Variants in KIF1C observed in about 807,000 individuals in gnomAD.
The protein encoded by KIF1C is kinesin-like protein KIF1C.
A neutral mutation model predicts 126.5 loss-of-function variants in KIF1C; 61 were observed. The observed-to-expected ratio is 0.48, with a 90% CI of 0.39 to 0.60. KIF1C has a LOEUF of 0.60. Among genes scored for constraint, KIF1C ranks in the 20% least tolerant of loss-of-function variants. KIF1C has a pLI of 0.00. For synonymous variants in KIF1C, 640 were observed against 580.6 expected, an observed-to-expected ratio of 1.10 and a Z score of -1.47; for missense variants, 1,315 against 1,489.2, an observed-to-expected ratio of 0.88 and a Z score of 1.93.
intron 16 of KIF1C, among the ~76,000 whole-genome samples, chr17:5,010,954 G>A (rs993302051): frequency 1.3e-5 from 2 of 151,500 alleles, no homozygotes; most frequent in African/African-American, 4.8e-5. Flanking sequence ...GGGACTACAG[G>A]CGCCCACCAC....
chr17:5,027,331 T>A lies in KIF1C; in HGVS notation c.*3180T>A, dbSNP rs1251867755. The A allele has an allele frequency of 6.6e-6, 1 of 152,216 alleles. No homozygotes were observed. The highest frequency in any genetic ancestry group is 1.9e-4 in the East Asian group (1 of 5,198). 9.4% of individuals were successfully genotyped at this position (152,216 alleles called of 1,614,324 possible). The stretch of plus-strand genomic sequence containing the variant: ...CTTTAGTAGAGACAGGGTTTCACTA[T>A]GTTGTCCAAGCTGGTTTCGAATTCC... On this transcript the variant is annotated 3_prime_UTR_variant, in exon 23 of 23. Transcript: ENST00000320785.
chr17:5,001,596 G>A (rs1021540678), intron 5 of KIF1C, among the ~76,000 whole-genome samples, 195 bp downstream of exon 5: 4 of 151,854 alleles, frequency 2.6e-5, no homozygotes, highest in Non-Finnish European at 5.9e-5. Flanking sequence ...GAGGCAACGA[G>A]CCTCAGTGAG....
At chr17:5,007,966 T>C (rs1401682282) in intron 16 of KIF1C, among the ~76,000 whole-genome samples, 1 of 152,068 alleles carries the variant, frequency 6.6e-6, no homozygotes, top group Admixed American at 6.6e-5. Flanking sequence ...GAGGGGTTGG[T>C]TATAGATGGA....
At position 5,007,096 on chromosome 17, in the gene KIF1C, G is replaced by C. The variant is rs1167957526; in HGVS notation, c.1335+12G>C. ...TGGAGAGGCTGCAGGTGGGAAGCTG[G>C]AGCTGGCAAGGGCTGGGGGTCTGGG... On this transcript the variant is annotated intron_variant, in intron 14 of 22. Transcript: ENST00000320785. 1.3e-6 allele frequency: 2 copies of C among 1,582,212 alleles called. No individual in the cohort carries two copies. Among genetic ancestry groups the C allele is most frequent in the Admixed American group, 1.9e-5 (1 of 52,148 alleles).
chr17:5,003,545 C>G (rs1974654393), intron 8 of KIF1C, 67 bp from the exon 9 acceptor site: 2 of 1,154,636 alleles, frequency 1.7e-6, no homozygotes, highest in Non-Finnish European at 2.5e-6. Flanking sequence ...CTGCTGGGTG[C>G]TTCCCTGATT....
chr17:4,999,398 G>A (rs1057468102), intron 1 of KIF1C, among the ~76,000 whole-genome samples: 12 of 152,164 alleles, frequency 7.9e-5, no homozygotes, highest in African/African-American at 2.9e-4. Flanking sequence ...TGGCGCCGGA[G>A]TTCCCCACCC....
Position 5,004,874 on chromosome 17 carries a change from C to T in KIF1C, c.1039C>T (p.Gln347Ter), listed in dbSNP as rs1974690294. Residue 347 changes from glutamine (Q) to a stop codon, truncating the protein, a stop_gained, in exon 13 of 23, where the codon CAA becomes TAA. Coordinates refer to ENST00000320785, the MANE Select transcript of KIF1C (RefSeq NM_006612.6). LOFTEE classifies it high-confidence loss of function. ...STLRYADRTK[Q>*]IRCNAIINED... The stretch of plus-strand genomic sequence containing the variant: ...ACCCAGGTATGCTGACCGCACCAAG[C>T]AAATCCGCTGCAATGCCATCATCAA... The T allele has an allele frequency of 1.9e-6, 3 of 1,614,248 alleles. No homozygotes were observed. Among genetic ancestry groups the T allele is most frequent in the Non-Finnish European group, 2.5e-6 (3 of 1,180,046 alleles).
intron 13 of KIF1C, among the ~76,000 whole-genome samples, chr17:5,006,040 C>G (rs1294446162): frequency 6.6e-6 from 1 of 150,982 alleles, no homozygotes; most frequent in Non-Finnish European, 1.5e-5. Flanking sequence ...AACCCCGTCT[C>G]TACTAAAAAT....
chr17:5,001,936 C>A lies in KIF1C; in HGVS notation c.364-123C>A, dbSNP rs116435540. ...TCCCATCTGTGAAATGGGAATAACC[C>A]CTCCCTCAAGGCTGTAGCAAGGGTT... On this transcript the variant is annotated intron_variant, in intron 5 of 22. Coordinates refer to ENST00000320785, the MANE Select transcript of KIF1C (RefSeq NM_006612.6). 5,471 of 830,562 alleles carry A rather than the reference C, an allele frequency of 6.6e-3. 195 individuals are homozygous for A. The African/African-American group carries it at 0.082, about 12-fold the overall frequency. The allele number at this position is 830,562 out of a possible 1,614,324, so 51.4% of individuals were successfully genotyped here. A position where few individuals can be genotyped will look rare whatever the true frequency, so the allele number is the denominator to read the frequency against.
intron 16 of KIF1C, 59 bp downstream of exon 16, chr17:5,007,601 C>G: frequency 7.1e-7 from 1 of 1,401,902 alleles, no homozygotes; most frequent in Non-Finnish European, 9.7e-7. Flanking sequence ...AGAAAAGAGG[C>G]AGCAGGTGCA....
intron 16 of KIF1C, among the ~76,000 whole-genome samples, chr17:5,008,437 GC>G (rs1974784002): frequency 6.6e-6 from 1 of 152,214 alleles, no homozygotes; most frequent in African/African-American, 2.4e-5. Context: ...CAGGGAACCA[GC>G]CCAGCCCGTC....
intron 16 of KIF1C, among the ~76,000 whole-genome samples, chr17:5,010,903 C>T (rs1215028097): frequency 2.0e-5 from 3 of 150,928 alleles, no homozygotes; most frequent in East Asian, 2.0e-4. Context: ...CTCCGCCTCC[C>T]GGGTTCACGC....
chr17:5,020,768 C>G lies in KIF1C; in HGVS notation c.1938-38C>G. 1 of 1,599,216 alleles carries G rather than the reference C, an allele frequency of 6.3e-7. No individual in the cohort carries two copies. Among genetic ancestry groups the G allele is most frequent in the Non-Finnish European group, 8.5e-7 (1 of 1,172,350 alleles). ...GTGTCCTCCTCTTGTCAGATACTCA[C>G]CAAGGTTGCTCTTCCTTCCCTCCCT... is the stretch of plus-strand genomic sequence containing the variant. On this transcript the variant is annotated intron_variant, in intron 20 of 22. Transcript: ENST00000320785. This position sits in a 1 kb window ranked among gnomAD's most constrained non-coding sequence, Gnocchi z 5.8.
chr17:5,002,017 C>T, intron 5 of KIF1C, 42 bp from the exon 6 acceptor site: 3 of 1,586,812 alleles, frequency 1.9e-6, no homozygotes, highest in East Asian at 2.2e-5. Context: ...TAGGTGTGCC[C>T]TGAACAGGAG....
chr17:5,013,553 G>T, intron 16 of KIF1C, 100 bp from the exon 17 acceptor site: 1 of 806,234 alleles, frequency 1.2e-6, no homozygotes, highest in Non-Finnish European at 2.1e-6. Flanking sequence ...GCAGCTGGCA[G>T]TGCCAGGACT....
chr17:5,024,422 C>G lies in KIF1C; in HGVS notation c.*271C>G. The G allele has an allele frequency of 3.0e-6, 1 of 330,006 alleles. No individual in the cohort carries two copies. The allele number at this position is 330,006 out of a possible 1,614,324, so 20.4% of individuals were successfully genotyped here. ...GCAAAGGGGGTGTGTCCCACAAACGCTGCTATGGGTGGGGTGGGGGGCTGG... is the reference window on the plus strand; with the variant it reads ...GCAAAGGGGGTGTGTCCCACAAACGGTGCTATGGGTGGGGTGGGGGGCTGG... On this transcript the variant is annotated 3_prime_UTR_variant, in exon 23 of 23. Transcript: ENST00000320785.
rs562022125 is a variant in KIF1C at position 5,023,962 on chromosome 17, G to A, written c.3123G>A (p.Arg1041=). Residue 1041 remains arginine, a synonymous_variant, in exon 23 of 23, where the codon CGG becomes CGA. Coordinates refer to ENST00000320785, the MANE Select transcript of KIF1C (RefSeq NM_006612.6). The surrounding 1 kb of genome is among the most constrained non-coding windows in gnomAD (Gnocchi z 4.2). ...RNSLDGGGRS[R]GAGSAQPEPQ... ...CCCTGGATGGAGGGGGCCGATCCCG[G>A]GGAGCGGGTTCTGCACAGCCTGAAC... 5.7e-6 allele frequency: 9 copies of A among 1,579,660 alleles called. No individual in the cohort carries two copies. The East Asian group carries it at 1.4e-4, about 24-fold the overall frequency.
Position 5,024,163 on chromosome 17 carries a change from T to TG in KIF1C, c.*15dup, listed in dbSNP as rs768215088. The TG allele has an allele frequency of 1.1e-4, 177 of 1,585,206 alleles. No individual in the cohort carries two copies. Among genetic ancestry groups the TG allele is most frequent in the Non-Finnish European group, 1.5e-4 (171 of 1,165,768 alleles). ...GGGCAGCTGTGTGAGTCCCACATCC[T>TG]GGGCAGAGGGCCTGGTGGGGCCCCT... On this transcript the variant is annotated 3_prime_UTR_variant, in exon 23 of 23. Transcript: ENST00000320785.
At chr17:5,008,379 GGAT>G (rs1302868478) in intron 16 of KIF1C, among the ~76,000 whole-genome samples, 1 of 142,298 alleles carries the variant, frequency 7.0e-6, no homozygotes, top group Non-Finnish European at 1.6e-5. Flanking sequence ...ACCAGTGAAG[GGAT>G]GGTGCAGAGG....
Sources: allele counts gnomAD v4.1 joint callset (sites outside exome capture counted in the v4.1 genomes callset), GRCh38; gene constraint gnomAD v4.1.1; non-coding constraint Gnocchi (gnomAD v3.1); transcripts MANE v1.5; gene names NCBI Gene and HGNC (gene_info 2026-07-23, HGNC 2026-07-21).